The following COL28A1 variants were observed in gnomAD, a reference collection of about 807,000 sequenced individuals.
The protein encoded by COL28A1 is collagen type XXVIII alpha 1 chain.
COL28A1 carries 161 observed loss-of-function variants against 150.2 expected under a neutral mutation model. That is an observed-to-expected ratio of 1.07 (90% CI 0.94 to 1.22). The LOEUF (loss-of-function observed/expected upper bound fraction) is 1.22, where lower values mean the gene tolerates loss of function less well. COL28A1 is among the 50% of genes most tolerant of loss of function. COL28A1 has a pLI of 0.00. For missense variants in COL28A1, 1,617 were observed against 1,388.3 expected, an observed-to-expected ratio of 1.16 and a Z score of -2.62; for synonymous variants, 552 against 469.7, an observed-to-expected ratio of 1.18 and a Z score of -2.26.
At chr7:7,375,313 C>T (rs1781483187) in intron 31 of COL28A1, 148 bp downstream of exon 31, 1 of 648,684 alleles carries the variant, frequency 1.5e-6, no homozygotes, top group Admixed American at 3.6e-5. Context: ...TTACTGCTTC[C>T]TTTCAGTTTC....
chr7:7,405,228 T>C (rs1422496282), intron 27 of COL28A1, among the ~76,000 whole-genome samples: 1 of 152,202 alleles, frequency 6.6e-6, no homozygotes, highest in Non-Finnish European at 1.5e-5. Context: ...TTGAAGGACA[T>C]ATTAGCATTA....
In COL28A1 at chr7:7,437,473, GC is replaced by G. The variant is rs757745603; in HGVS notation, c.1723-12del. The G allele has an allele frequency of 7.4e-5, 119 of 1,611,336 alleles. No individual in the cohort carries two copies. Among genetic ancestry groups the G allele is most frequent in the Non-Finnish European group, 9.2e-5 (109 of 1,179,220 alleles). On this transcript the variant is annotated splice_polypyrimidine_tract_variant and intron_variant, in intron 21 of 34. Transcript: ENST00000399429. The stretch of plus-strand genomic sequence containing the variant: ...AATGCCCGGTTCACCCTTAAAAAGA[GC>G]AAAATGCTCACTACATTTCAAGCAG...
intron 14 of COL28A1, among the ~76,000 whole-genome samples, chr7:7,475,442 G>A (rs1393261675): frequency 6.6e-6 from 1 of 152,118 alleles, no homozygotes; most frequent in East Asian, 1.9e-4. Flanking sequence ...CATTACCACA[G>A]AATATAACTG....
At chr7:7,479,611 A>G (rs1161122535) in intron 13 of COL28A1, among the ~76,000 whole-genome samples, 1 of 152,226 alleles carries the variant, frequency 6.6e-6, no homozygotes, top group Non-Finnish European at 1.5e-5. Flanking sequence ...TTGAACCCAC[A>G]GGCAGTTTTA....
chr7:7,410,800 A>G (rs566450585), intron 27 of COL28A1, among the ~76,000 whole-genome samples: 32 of 152,324 alleles, frequency 2.1e-4, no homozygotes, highest in Admixed American at 4.6e-4. Context: ...AAGATGAAGG[A>G]AAAATTCCTC....
chr7:7,338,517 G>A, the COL28A1 span, among the ~76,000 whole-genome samples: 1 of 152,034 alleles, frequency 6.6e-6, no homozygotes, highest in African/African-American at 2.4e-5. Flanking sequence ...GTATAGAACC[G>A]CTACTGATTT....
intron 27 of COL28A1, among the ~76,000 whole-genome samples, chr7:7,411,645 T>C (rs1182769830): frequency 6.6e-6 from 1 of 152,148 alleles, no homozygotes; most frequent in Non-Finnish European, 1.5e-5. Context: ...CTGGCTTTGC[T>C]ATGGACATGA....
At chr7:7,485,106 A>G (rs1408908337) in intron 13 of COL28A1, among the ~76,000 whole-genome samples, 1 of 152,126 alleles carries the variant, frequency 6.6e-6, no homozygotes, top group Non-Finnish European at 1.5e-5. Flanking sequence ...CAAACCTGCA[A>G]ATGTACCCCT....
rs543970789 is a variant in COL28A1 at position 7,443,616 on chromosome 7, C to G, written c.1619G>C (p.Gly540Ala). The G allele has an allele frequency of 3.7e-6, 6 of 1,614,088 alleles. No homozygotes were observed. The South Asian group carries it at 6.6e-5, about 18-fold the overall frequency. Residue 540 changes from glycine to alanine, a missense_variant, in exon 20 of 35, where the codon GGA becomes GCA. Coordinates refer to ENST00000399429, the MANE Select transcript of COL28A1 (RefSeq NM_001037763.3). ...AGLPGARGPEGPPGKGQPGPK... is the reference protein window; with the variant it reads ...AGLPGARGPEAPPGKGQPGPK... ...GCCAGGCTGTCCTTTTCCAGGTGGT[C>G]CTTCTGGGCCTCTTGCTCCCGGAAG...
Position 7,531,813 on chromosome 7 carries a change from A to G in COL28A1, c.216T>C (p.Asp72=). 7 of 1,602,362 alleles carry G rather than the reference A, an allele frequency of 4.4e-6. No individual in the cohort carries two copies. Among genetic ancestry groups the G allele is most frequent in the Non-Finnish European group, 4.3e-6 (5 of 1,169,276 alleles). Residue 72 remains aspartate (D), a synonymous_variant, in exon 3 of 35, where the codon GAT becomes GAC. Coordinates refer to ENST00000399429, the MANE Select transcript of COL28A1 (RefSeq NM_001037763.3). ...ATTGGAAAATCTTGTCACTCAAGCTATCCACAAAATCTTTCTGTTTATCAA... is the reference window on the plus strand; with the variant it reads ...ATTGGAAAATCTTGTCACTCAAGCTGTCCACAAAATCTTTCTGTTTATCAA... ...ALFDKQKDFV[D]SLSDKIFQLT...
chr7:7,410,592 T>C (rs1490075555), intron 27 of COL28A1, among the ~76,000 whole-genome samples: 2 of 152,138 alleles, frequency 1.3e-5, no homozygotes, highest in African/African-American at 4.8e-5. Flanking sequence ...CTGAGGTGTG[T>C]TCAACTTGAA....
At chr7:7,477,089 C>G (rs1368070516) in intron 14 of COL28A1, 23 bp downstream of exon 14, 3 of 962,146 alleles carry the variant, frequency 3.1e-6, no homozygotes, top group South Asian at 2.6e-5. Context: ...AGCACCTTTT[C>G]CTGGTACAGA....
intron 27 of COL28A1, among the ~76,000 whole-genome samples, chr7:7,405,524 T>C (rs1472597320): frequency 6.6e-6 from 1 of 152,178 alleles, no homozygotes; most frequent in Non-Finnish European, 1.5e-5. Context: ...GCTTTGAAAT[T>C]TAAGAGGTAC....
chr7:7,443,406 T>C (rs1583386176), intron 20 of COL28A1, among the ~76,000 whole-genome samples, 179 bp downstream of exon 20: 1 of 145,306 alleles, frequency 6.9e-6, no homozygotes, highest in Non-Finnish European at 1.5e-5. Context: ...GTTAGGAAAA[T>C]AAAAGTGAAT....
At position 7,417,772 on chromosome 7, in the gene COL28A1, A is replaced by G. The variant is rs572691362; in HGVS notation, c.2136+87T>C. On this transcript the variant is annotated intron_variant, in intron 27 of 34. Coordinates refer to ENST00000399429, the MANE Select transcript of COL28A1 (RefSeq NM_001037763.3). ...AGGCTCACAATAAATCTATTTCATAATAGCCATTTTTGCGTTATCTACAAC... is the reference window on the plus strand; with the variant it reads ...AGGCTCACAATAAATCTATTTCATAGTAGCCATTTTTGCGTTATCTACAAC... 5 of 1,061,982 alleles carry G rather than the reference A, an allele frequency of 4.7e-6. No homozygotes were observed. The Admixed American group carries it at 5.3e-5, about 11-fold the overall frequency. 65.8% of individuals were successfully genotyped at this position (1,061,982 alleles called of 1,614,324 possible). A position where few individuals can be genotyped will look rare whatever the true frequency, so the allele number is the denominator to read the frequency against.
chr7:7,521,899 A>T lies in COL28A1; in HGVS notation c.759+6T>A, dbSNP rs1210734337. ...TGACTTAAGTTCAAAGTGGAAGTAT[A>T]CTCACAGGAGGCCCTGGATCACCTG... On this transcript the variant is annotated splice_donor_region_variant and intron_variant, in intron 5 of 34. Transcript: ENST00000399429. 2 of 1,011,032 alleles carry T rather than the reference A, an allele frequency of 2.0e-6. No individual in the cohort carries two copies. Among genetic ancestry groups the T allele is most frequent in the Admixed American group, 3.4e-5 (2 of 59,336 alleles). 62.6% of individuals were successfully genotyped at this position (1,011,032 alleles called of 1,614,324 possible).
chr7:7,413,139 C>A (rs1783879288), intron 27 of COL28A1, among the ~76,000 whole-genome samples: 1 of 152,048 alleles, frequency 6.6e-6, no homozygotes, highest in Admixed American at 6.5e-5. Context: ...TTTGGGGACC[C>A]CAGGGTTTCT....
intron 15 of COL28A1, among the ~76,000 whole-genome samples, chr7:7,474,068 G>C (rs911480040): frequency 5.3e-5 from 7 of 132,862 alleles, no homozygotes; most frequent in Admixed American, 3.9e-4. Context: ...ATATATATAT[G>C]GAATATATAT....
rs558145541 is a variant in COL28A1, at chr7:7,372,256, G to A, written c.2908+742C>T. Among the ~76,000 whole-genome samples the A allele has an allele frequency of 2.5e-3, 375 of 151,620 alleles. 3 individuals carry two copies. Among genetic ancestry groups the A allele is most frequent in the African/African-American group, 8.4e-3 (348 of 41,392 alleles). ...ATACTAAAAATACAAAAAATTAGCC[G>A]GGCATGGTGGCGCGTGCCTGTAGTC... is the stretch of plus-strand genomic sequence containing the variant. On this transcript the variant is annotated intron_variant, in intron 32 of 34. Transcript: ENST00000399429.
Sources: allele counts gnomAD v4.1 joint callset (sites outside exome capture counted in the v4.1 genomes callset), GRCh38; gene constraint gnomAD v4.1.1; transcripts MANE v1.5; gene names NCBI Gene and HGNC (gene_info 2026-07-23, HGNC 2026-07-21).